The following CCDC171 variants were observed in gnomAD, a reference collection of about 807,000 sequenced individuals.
CCDC171 encodes the protein coiled-coil domain-containing protein 171.
Under a neutral mutation model 168.2 loss-of-function variants are expected in CCDC171, and 177 were observed. That is an observed-to-expected ratio of 1.05 (90% CI 0.93 to 1.19). CCDC171 has a LOEUF of 1.19. Among genes scored for constraint, CCDC171 ranks in the 50% most tolerant of loss-of-function variants. CCDC171 has a pLI of 0.00. For missense variants in CCDC171, 1,991 were observed against 1,539.0 expected (o/e 1.29, Z -4.91); for synonymous variants, 687 against 540.8 (o/e 1.27, Z -3.75).
chr9:16,085,315 C>A, the CCDC171 span, among the ~76,000 whole-genome samples: 2 of 152,204 alleles, frequency 1.3e-5, no homozygotes, highest in Non-Finnish European at 2.9e-5. Flanking sequence ...AGTCTTACGA[C>A]ACTGTTGGAA....
chr9:15,706,311 G>A (rs563611674), intron 11 of CCDC171, among the ~76,000 whole-genome samples: 1 of 148,570 alleles, frequency 6.7e-6, no homozygotes, highest in East Asian at 2.0e-4. Flanking sequence ...TCTTTTCTTG[G>A]CAGGATCTCA....
At chr9:15,661,492 G>C (rs867806668) in intron 8 of CCDC171, among the ~76,000 whole-genome samples, 69 of 152,006 alleles carry the variant, frequency 4.5e-4, no homozygotes, top group African/African-American at 1.5e-3. Flanking sequence ...TGATATCTCA[G>C]TGCTATGACT....
intron 18 of CCDC171, among the ~76,000 whole-genome samples, chr9:15,771,074 A>G (rs1014069976): frequency 2.0e-5 from 3 of 152,200 alleles, no homozygotes; most frequent in African/African-American, 7.2e-5. Context: ...TGCACTGTAT[A>G]TATCTACTGT....
intron 25 of CCDC171, among the ~76,000 whole-genome samples, chr9:15,950,749 A>T (rs971364671): frequency 6.6e-6 from 1 of 152,090 alleles, no homozygotes; most frequent in Admixed American, 6.6e-5. Context: ...CATCATAATG[A>T]CAGGATCAAA....
intron 24 of CCDC171, chr9:15,887,728 T>C (rs903711335): frequency 6.6e-6 from 1 of 152,138 alleles, no homozygotes; most frequent in Non-Finnish European, 1.5e-5. Flanking sequence ...TAAATTCTCA[T>C]AATAATTTCA....
At chr9:15,647,064 G>A (rs531291694) in intron 7 of CCDC171, among the ~76,000 whole-genome samples, 1 of 152,236 alleles carries the variant, frequency 6.6e-6, no homozygotes, top group East Asian at 1.9e-4. Context: ...TTAGACCACA[G>A]TGCAATCAAA....
intron 25 of CCDC171, among the ~76,000 whole-genome samples, chr9:15,957,432 C>T (rs888290645): frequency 2.6e-5 from 4 of 152,134 alleles, no homozygotes; most frequent in Admixed American, 6.6e-5. Flanking sequence ...CTCACTTTCT[C>T]CCTCATTGAA....
intron 10 of CCDC171, among the ~76,000 whole-genome samples, chr9:15,687,959 A>T (rs1342016884): frequency 1.3e-5 from 2 of 152,100 alleles, no homozygotes; most frequent in Admixed American, 1.3e-4. Context: ...TCTGTACTGA[A>T]AATACAAAAA....
intron 21 of CCDC171, among the ~76,000 whole-genome samples, chr9:15,796,173 G>T (rs1002799086): frequency 6.6e-6 from 1 of 151,988 alleles, no homozygotes; most frequent in African/African-American, 2.4e-5. Context: ...AATAGAAGTT[G>T]TAAGTTAAGA....
At chr9:16,039,596 CGTCTAGCCTCCTTCT>C (rs1833539080), upstream of CCDC171, among the ~76,000 whole-genome samples, 1 of 152,184 alleles carries the variant, frequency 6.6e-6, no homozygotes, top group African/African-American at 2.4e-5. Flanking sequence ...TCCATAAACT[CGTCTAGCCTCCTTCT>C]GCTGTGCTAC....
At chr9:15,912,978 G>A (rs2131863161) in intron 24 of CCDC171, among the ~76,000 whole-genome samples, 1 of 152,272 alleles carries the variant, frequency 6.6e-6, no homozygotes, top group East Asian at 1.9e-4. Flanking sequence ...ATATTCATCA[G>A]GGATATTGGC....
chr9:15,690,676 A>G (rs999301982), intron 10 of CCDC171, among the ~76,000 whole-genome samples: 1 of 152,130 alleles, frequency 6.6e-6, no homozygotes, highest in African/African-American at 2.4e-5. Context: ...CTTGAAAAAT[A>G]TAATTTTGTT....
chr9:15,828,906 G>T (rs2153726), intron 21 of CCDC171, among the ~76,000 whole-genome samples: 3 of 151,920 alleles, frequency 2.0e-5, no homozygotes. Context: ...CATAAGTGAG[G>T]TTTCTCCTTC....
At chr9:15,975,451 C>T (rs925654196), downstream of CCDC171, among the ~76,000 whole-genome samples, 5 of 152,126 alleles carry the variant, frequency 3.3e-5, no homozygotes, top group African/African-American at 1.2e-4. Context: ...ATCTAGATTT[C>T]TTATGAATTG....
At chr9:15,736,670 TTTC>T (rs2054517526) in intron 16 of CCDC171, among the ~76,000 whole-genome samples, 10 of 151,060 alleles carry the variant, frequency 6.6e-5, no homozygotes, top group Non-Finnish European at 1.5e-4. Flanking sequence ...TTTTTCTTTC[TTTC>T]TTTCTTTCTT....
At chr9:15,686,697 T>C (rs527456666) in intron 10 of CCDC171, among the ~76,000 whole-genome samples, 1 of 152,190 alleles carries the variant, frequency 6.6e-6, no homozygotes, top group African/African-American at 2.4e-5. Context: ...AAAGGGTCAA[T>C]CCACCAGAAC....
chr9:15,896,730 A>G (rs951767526), intron 24 of CCDC171, among the ~76,000 whole-genome samples: 1 of 152,112 alleles, frequency 6.6e-6, no homozygotes, highest in African/African-American at 2.4e-5. Context: ...TGCATTCAGT[A>G]TCTAGTTACA....
In CCDC171 at chr9:15,855,328, C is replaced by A. The variant is rs60303840; in HGVS notation, c.3468+6381C>A. On this transcript the variant is annotated intron_variant, in intron 23 of 25. Transcript: ENST00000380701. ...TCTTTGTTTCTTGCAATAATTTTGACTTTAAAGTCTTTCGTCTGATATTAG... is the reference window on the plus strand; with the variant it reads ...TCTTTGTTTCTTGCAATAATTTTGAATTTAAAGTCTTTCGTCTGATATTAG... Among the ~76,000 whole-genome samples the A allele has an allele frequency of 6.0e-3, 916 of 151,856 alleles. 10 individuals are homozygous for A. The highest frequency in any genetic ancestry group is 0.022 in the African/African-American group (893 of 41,464).
Position 15,941,245 on chromosome 9 carries a change from A to T in CCDC171, c.3753+20823A>T, listed in dbSNP as rs747373270. ...AATATTTAAAGTTTTTCACCTTTGA[A>T]ATTGAATATTTGGCAGTCAGGAATG... On this transcript the variant is annotated intron_variant, in intron 25 of 25. Transcript: ENST00000380701. Among the ~76,000 whole-genome samples the T allele has an allele frequency of 1.1e-3, 160 of 152,020 alleles. 1 individual carries two copies. Among genetic ancestry groups the T allele is most frequent in the Non-Finnish European group, 1.7e-3 (118 of 67,954 alleles).
Sources: allele counts gnomAD v4.1 joint callset (sites outside exome capture counted in the v4.1 genomes callset), GRCh38; gene constraint gnomAD v4.1.1; transcripts MANE v1.5; gene names NCBI Gene and HGNC (gene_info 2026-07-23, HGNC 2026-07-21).